Variants in OXR1 observed in about 807,000 individuals in gnomAD.
OXR1 encodes the protein oxidation resistance protein 1.
In OXR1, 41 loss-of-function variants were observed where a neutral mutation model predicts 104.6. That is an observed-to-expected ratio of 0.39 (90% CI 0.31 to 0.51). The LOEUF (loss-of-function observed/expected upper bound fraction) is 0.51, where lower values mean the gene tolerates loss of function less well. OXR1 is among the 20% of genes least tolerant of loss of function. The pLI is 0.77. For missense variants in OXR1, 955 were observed against 1,031.9 expected, an observed-to-expected ratio of 0.93 and a Z score of 1.02; for synonymous variants, 348 against 348.4, an observed-to-expected ratio of 1.00 and a Z score of 0.01.
At chr8:106,416,719 T>C (rs887107557) in intron 2 of OXR1, among the ~76,000 whole-genome samples, 9 of 152,014 alleles carry the variant, frequency 5.9e-5, no homozygotes, top group Admixed American at 1.3e-4. Context: ...ATGAAGCATA[T>C]TTGGCCTGGT....
rs1038204874 is a variant in OXR1, at chr8:106,384,724, CT to C, written c.23+25094del. ...CTTACTGTCTTAAAATTCTTTTTTT[CT>C]TTTTTCTTTTTTTTTTTTTTAAGTT... On this transcript the variant is annotated intron_variant, in intron 2 of 16. Transcript: ENST00000517566. Among the ~76,000 whole-genome samples the C allele has an allele frequency of 2.5e-4, 34 of 136,778 alleles. No individual in the cohort carries two copies. The South Asian group carries it at 7.7e-3, about 31-fold the overall frequency. 89.7% of individuals were successfully genotyped at this position (136,778 alleles called of 152,430 possible). A position where few individuals can be genotyped will look rare whatever the true frequency, so the allele number is the denominator to read the frequency against.
chr8:106,664,968 T>C (rs1333016276), intron 3 of OXR1, among the ~76,000 whole-genome samples: 1 of 152,180 alleles, frequency 6.6e-6, no homozygotes, highest in Admixed American at 6.5e-5. Context: ...TACCATATAT[T>C]TCTGGTCACA....
intron 2 of OXR1, among the ~76,000 whole-genome samples, chr8:106,369,552 T>A (rs1816620144): frequency 6.6e-6 from 1 of 152,222 alleles, no homozygotes; most frequent in South Asian, 2.1e-4. Context: ...AAGTCTTTAA[T>A]CCATCTTGAG....
At chr8:106,483,900 T>C (rs748675245) in intron 2 of OXR1, among the ~76,000 whole-genome samples, 1 of 152,092 alleles carries the variant, frequency 6.6e-6, no homozygotes, top group Non-Finnish European at 1.5e-5. Context: ...ATAAAATGAT[T>C]GAATGTACAT....
At position 106,739,545 on chromosome 8, in the gene OXR1, G is replaced by A. The variant is rs760084378; in HGVS notation, c.2125G>A (p.Asp709Asn). Residue 709 changes from aspartate (D) to asparagine (N), a missense_variant, in exon 13 of 17, where the codon GAT (aspartate) becomes AAT (asparagine). Asp to Asn is a conservative substitution (Grantham distance 23). Coordinates refer to ENST00000517566, the MANE Select transcript of OXR1 (RefSeq NM_001198533.2). ...TGAATCTTTTCGACCAAACCTAAGT[G>A]ATCCCAGTGAACTTTTACTGCCAGA... ...ESESFRPNLS[D>N]PSELLLPDQI... 4.3e-6 allele frequency: 7 copies of A among 1,613,480 alleles called. No homozygotes were observed. Among genetic ancestry groups the A allele is most frequent in the Admixed American group, 1.7e-5 (1 of 60,006 alleles).
At chr8:106,467,808 T>G (rs1287504737) in intron 2 of OXR1, among the ~76,000 whole-genome samples, 1 of 151,914 alleles carries the variant, frequency 6.6e-6, no homozygotes, top group East Asian at 1.9e-4. Flanking sequence ...TTCAAGAATC[T>G]AATCTTTCTT....
chr8:106,498,787 A>G (rs1811581161), intron 2 of OXR1, among the ~76,000 whole-genome samples: 1 of 152,228 alleles, frequency 6.6e-6, no homozygotes, highest in Non-Finnish European at 1.5e-5. Flanking sequence ...TTGTTCCAAG[A>G]TAATTTTATG....
Position 106,542,960 on chromosome 8 carries a change from C to T in OXR1, c.220+23821C>T, listed in dbSNP as rs930752200. Among the ~76,000 whole-genome samples, 6 of 152,054 alleles carry T rather than the reference C, an allele frequency of 3.9e-5. No homozygotes were observed. In the East Asian group the frequency reaches 1.2e-3, roughly 29 times the overall value. On this transcript the variant is annotated intron_variant, in intron 3 of 16. Transcript: ENST00000517566. ...AGGGTATGCTATATTATTTTTTGCC[C>T]TTAACTGATTTCAAATTTAGGTTGT...
chr8:106,452,201 C>T (rs1001456292), intron 2 of OXR1, among the ~76,000 whole-genome samples: 14 of 152,012 alleles, frequency 9.2e-5, no homozygotes, highest in African/African-American at 3.4e-4. Flanking sequence ...AGATGGAAAC[C>T]GAACTCCACA....
intron 1 of OXR1, among the ~76,000 whole-genome samples, chr8:106,321,383 A>G (rs1268204690): frequency 6.6e-6 from 1 of 152,210 alleles, no homozygotes; most frequent in Non-Finnish European, 1.5e-5. Flanking sequence ...GTCCTTGGAC[A>G]GTGGACGTGT....
At chr8:106,473,856 T>C (rs1211929939) in intron 2 of OXR1, among the ~76,000 whole-genome samples, 1 of 150,618 alleles carries the variant, frequency 6.6e-6, no homozygotes, top group African/African-American at 2.4e-5. Flanking sequence ...ATTCCTCTTT[T>C]TTTTTTTGCC....
At chr8:106,405,184 ATATATATATATATATATAGT>A (rs1563757983) in intron 2 of OXR1, among the ~76,000 whole-genome samples, 41 of 13,102 alleles carry the variant, frequency 3.1e-3, no homozygotes, top group Non-Finnish European at 4.1e-3. Flanking sequence ...ATATATATAT[ATATATATATATATATATAGT>A]GTGTGTGTGT....
intron 3 of OXR1, chr8:106,618,234 C>T: frequency 7.1e-7 from 1 of 1,399,324 alleles, no homozygotes; most frequent in Non-Finnish European, 9.8e-7. Context: ...TTTGGAAAGT[C>T]AGATACAGCG....
At chr8:106,595,746 G>C (rs866240062) in intron 3 of OXR1, among the ~76,000 whole-genome samples, 4 of 152,012 alleles carry the variant, frequency 2.6e-5, no homozygotes, top group Admixed American at 2.6e-4. Context: ...TCATAGAGAT[G>C]CAGCATATCC....
intron 2 of OXR1, among the ~76,000 whole-genome samples, chr8:106,469,275 C>T (rs183962616): frequency 6.6e-6 from 1 of 151,876 alleles, no homozygotes; most frequent in East Asian, 1.9e-4. Context: ...TTCAGCTCCA[C>T]TTTACGTAAT....
At chr8:106,618,794 C>G (rs1394716395) in intron 3 of OXR1, among the ~76,000 whole-genome samples, 1 of 152,174 alleles carries the variant, frequency 6.6e-6, no homozygotes, top group African/African-American at 2.4e-5. Context: ...TTAAATGTCT[C>G]TGTTCTTCAT....
At chr8:106,576,826 A>G (rs985547684) in intron 3 of OXR1, among the ~76,000 whole-genome samples, 9 of 152,196 alleles carry the variant, frequency 5.9e-5, no homozygotes, top group Admixed American at 5.9e-4. Flanking sequence ...AAAACACTAT[A>G]GAAAGTAAAA....
intron 1 of OXR1, among the ~76,000 whole-genome samples, chr8:106,295,548 C>T (rs928742440): frequency 1.3e-5 from 2 of 151,906 alleles, no homozygotes; most frequent in African/African-American, 2.4e-5. Context: ...GTGCTGGGAT[C>T]TAGTAATTTT....
chr8:106,631,524 C>T (rs1822685358), intron 3 of OXR1, among the ~76,000 whole-genome samples: 1 of 152,096 alleles, frequency 6.6e-6, no homozygotes, highest in South Asian at 2.1e-4. Flanking sequence ...GCCATAAAAG[C>T]CCTATTAAAA....
Sources: gnomAD v4.1 joint callset for allele counts (sites outside exome capture counted in the v4.1 genomes callset) on GRCh38, gnomAD v4.1.1 for gene constraint, MANE v1.5 for transcripts, NCBI Gene and HGNC (gene_info 2026-07-23, HGNC 2026-07-21) for gene names.